SLC35F1: variants seen among roughly 807,000 people sequenced by gnomAD.
SLC35F1 encodes chromosome 6 open reading frame 169.
Under a neutral mutation model 48.7 loss-of-function variants are expected in SLC35F1, and 14 were observed. That is an observed-to-expected ratio of 0.29 (90% CI 0.19 to 0.45). The LOEUF is 0.45. SLC35F1 is among the 20% of genes least tolerant of loss of function. The pLI is 1.00. For synonymous variants in SLC35F1, 190 were observed against 202.2 expected (o/e 0.94, Z 0.51); for missense variants, 404 against 500.0 (o/e 0.81, Z 1.83).
At chr6:117,913,361 A>C (rs925460423) in intron 1 of SLC35F1, among the ~76,000 whole-genome samples, 1 of 152,216 alleles carries the variant, frequency 6.6e-6, no homozygotes, top group Non-Finnish European at 1.5e-5. Flanking sequence ...TGGAATACAC[A>C]CATGTGACGA....
intron 1 of SLC35F1, among the ~76,000 whole-genome samples, chr6:117,963,210 A>G (rs1776519773): frequency 6.6e-6 from 1 of 152,168 alleles, no homozygotes; most frequent in Non-Finnish European, 1.5e-5. Flanking sequence ...TGATCTATAA[A>G]ATGACCATAC....
chr6:118,069,930 A>T (rs1477475621), intron 1 of SLC35F1, among the ~76,000 whole-genome samples: 1 of 151,548 alleles, frequency 6.6e-6, no homozygotes, highest in Non-Finnish European at 1.5e-5. Flanking sequence ...AGGTCAGGAG[A>T]TCAAGACCAT....
chr6:117,969,569 A>T (rs1776613445), intron 1 of SLC35F1, among the ~76,000 whole-genome samples: 1 of 152,134 alleles, frequency 6.6e-6, no homozygotes, highest in African/African-American at 2.4e-5. Flanking sequence ...AAAAAAATTT[A>T]AAAATTAGCT....
chr6:118,029,566 G>T (rs1445119547), intron 1 of SLC35F1, among the ~76,000 whole-genome samples: 2 of 152,040 alleles, frequency 1.3e-5, no homozygotes, highest in East Asian at 3.9e-4. Context: ...TATTTGGTTT[G>T]TTACTATCTG....
At chr6:118,192,718 C>A (rs909433593) in intron 2 of SLC35F1, among the ~76,000 whole-genome samples, 1 of 151,956 alleles carries the variant, frequency 6.6e-6, no homozygotes. Flanking sequence ...TAAAATATAA[C>A]CTGAAGAAGG....
At chr6:117,948,943 A>T (rs1023236474) in intron 1 of SLC35F1, among the ~76,000 whole-genome samples, 1 of 152,150 alleles carries the variant, frequency 6.6e-6, no homozygotes, top group Non-Finnish European at 1.5e-5. Flanking sequence ...TTAGTACAAA[A>T]GAGGAAGGAC....
At chr6:118,006,302 C>T (rs1777174000) in intron 1 of SLC35F1, among the ~76,000 whole-genome samples, 1 of 152,026 alleles carries the variant, frequency 6.6e-6, no homozygotes, top group Non-Finnish European at 1.5e-5. Context: ...AGGCTTTCTC[C>T]TGCAGTGTTA....
At chr6:118,196,497 C>T (rs1364576482) in intron 2 of SLC35F1, among the ~76,000 whole-genome samples, 1 of 152,066 alleles carries the variant, frequency 6.6e-6, no homozygotes, top group Non-Finnish European at 1.5e-5. Context: ...GGGCAGATCA[C>T]TTGAGGCCAG....
intron 1 of SLC35F1, among the ~76,000 whole-genome samples, chr6:117,936,666 G>A (rs1470939121): frequency 1.3e-5 from 2 of 152,058 alleles, no homozygotes; most frequent in Non-Finnish European, 2.9e-5. Flanking sequence ...GGAAATTGAG[G>A]TGGGAGTAGA....
At chr6:118,267,897 A>G (rs1775797686) in intron 4 of SLC35F1, among the ~76,000 whole-genome samples, 1 of 152,082 alleles carries the variant, frequency 6.6e-6, no homozygotes. Context: ...AAAATATACC[A>G]AAATTTTAGC....
At chr6:118,112,096 C>A (rs1467157250) in intron 1 of SLC35F1, among the ~76,000 whole-genome samples, 918 of 51,860 alleles carry the variant, frequency 0.018, 14 homozygotes, top group Admixed American at 0.029. Flanking sequence ...CTTTTCTTTT[C>A]TTTTCTTTTC....
intron 2 of SLC35F1, among the ~76,000 whole-genome samples, chr6:118,173,644 C>T (rs373427333): frequency 1.1e-3 from 174 of 152,128 alleles, no homozygotes; most frequent in African/African-American, 3.8e-3. Flanking sequence ...CCTTTGCAGA[C>T]GAAGGAGAGT....
chr6:118,239,013 C>G (rs768201030), intron 3 of SLC35F1, among the ~76,000 whole-genome samples: 1 of 151,840 alleles, frequency 6.6e-6, no homozygotes, highest in Non-Finnish European at 1.5e-5. Flanking sequence ...TCTGTACACC[C>G]AGTGTAGCTC....
At chr6:118,313,368 T>G (rs1776393127) in intron 7 of SLC35F1, among the ~76,000 whole-genome samples, 1 of 152,234 alleles carries the variant, frequency 6.6e-6, no homozygotes, top group East Asian at 1.9e-4. Context: ...GCAAACTCTA[T>G]GAATTGTCAA....
intron 2 of SLC35F1, among the ~76,000 whole-genome samples, chr6:118,226,569 A>G (rs535828401): frequency 1.3e-5 from 2 of 152,254 alleles, no homozygotes; most frequent in South Asian, 2.1e-4. Context: ...CATGGATGGA[A>G]CTGGACGTCA....
chr6:118,095,420 T>A (rs1265991510), intron 1 of SLC35F1, among the ~76,000 whole-genome samples: 1 of 152,214 alleles, frequency 6.6e-6, no homozygotes, highest in Non-Finnish European at 1.5e-5. Context: ...CAGATGATAT[T>A]TCCTACCAGG....
intron 2 of SLC35F1, among the ~76,000 whole-genome samples, chr6:118,162,539 A>G (rs773532899): frequency 6.6e-6 from 1 of 152,212 alleles, no homozygotes; most frequent in Non-Finnish European, 1.5e-5. Context: ...TTGTACTTCA[A>G]TGCATCTGAC....
chr6:118,230,036 C>A (rs1486882735), intron 2 of SLC35F1, among the ~76,000 whole-genome samples: 3 of 152,110 alleles, frequency 2.0e-5, no homozygotes, highest in African/African-American at 7.2e-5. Flanking sequence ...TATAATGATA[C>A]ATGTGTATAA....
intron 2 of SLC35F1, among the ~76,000 whole-genome samples, chr6:118,206,114 A>G (rs181959077): frequency 6.6e-6 from 1 of 152,326 alleles, no homozygotes; most frequent in East Asian, 1.9e-4. Context: ...TTTTAAATGT[A>G]TTTAATGCCA....
Sources: gnomAD v4.1 joint callset for allele counts (sites outside exome capture counted in the v4.1 genomes callset) on GRCh38, gnomAD v4.1.1 for gene constraint, MANE v1.5 for transcripts, NCBI Gene and HGNC (gene_info 2026-07-23, HGNC 2026-07-21) for gene names.